The following ADGRB3 variants were observed in gnomAD, a reference collection of about 807,000 sequenced individuals.
The protein encoded by ADGRB3 is adhesion G protein-coupled receptor B3.
In ADGRB3, 37 loss-of-function variants were observed where a neutral mutation model predicts 193.4. The ratio of observed to expected loss-of-function variants is 0.19; its 90% CI spans 0.15 to 0.25. ADGRB3 has a LOEUF of 0.25. ADGRB3 is among the 10% of genes least tolerant of loss of function. The probability of loss-of-function intolerance (pLI) is 1.00; values close to 1 mark genes in which losing one functional copy is unlikely to be tolerated. For synonymous variants in ADGRB3, 690 were observed against 644.2 expected (o/e 1.07, Z -1.08); for missense variants, 1,637 against 1,852.9 (o/e 0.88, Z 2.14).
intron 10 of ADGRB3, among the ~76,000 whole-genome samples, chr6:68,990,860 C>A (rs1769218774): frequency 6.6e-6 from 1 of 152,106 alleles, no homozygotes; most frequent in Non-Finnish European, 1.5e-5. Flanking sequence ...TAATGGAGAA[C>A]AATTTAGTCT....
At chr6:68,978,484 A>G (rs1768814634) in intron 10 of ADGRB3, among the ~76,000 whole-genome samples, 1 of 151,632 alleles carries the variant, frequency 6.6e-6, no homozygotes, top group African/African-American at 2.4e-5. Context: ...GCTTGCCTAA[A>G]GAGCATGATC....
At chr6:68,943,700 TATCTC>T (rs1767700308) in intron 5 of ADGRB3, 125 bp from the exon 6 acceptor site, 2 of 668,764 alleles carry the variant, frequency 3.0e-6, no homozygotes, top group South Asian at 5.9e-5. Flanking sequence ...ATAAGAATGT[TATCTC>T]AACTGAGTTT....
chr6:69,276,495 A>G (rs1767305734), intron 20 of ADGRB3, among the ~76,000 whole-genome samples: 1 of 152,250 alleles, frequency 6.6e-6, no homozygotes, highest in Admixed American at 6.5e-5. Flanking sequence ...AATCCCTGCA[A>G]GAAAGAAATG....
intron 20 of ADGRB3, among the ~76,000 whole-genome samples, chr6:69,297,382 C>A (rs1290068253): frequency 2.5e-3 from 348 of 140,228 alleles, no homozygotes; most frequent in African/African-American, 8.9e-3. Context: ...CTCTCTCTCT[C>A]TCTCTCTCTA....
chr6:68,811,746 A>G (rs1767516321), intron 3 of ADGRB3, among the ~76,000 whole-genome samples: 1 of 152,164 alleles, frequency 6.6e-6, no homozygotes, highest in Non-Finnish European at 1.5e-5. Flanking sequence ...CTGGGATTAC[A>G]GGCATCAGCC....
At chr6:68,770,142 C>A (rs547350248) in intron 3 of ADGRB3, among the ~76,000 whole-genome samples, 34 of 152,196 alleles carry the variant, frequency 2.2e-4, no homozygotes, top group African/African-American at 8.2e-4. Context: ...TTCTGATACT[C>A]CATTCTCAGT....
intron 3 of ADGRB3, among the ~76,000 whole-genome samples, chr6:68,680,329 G>T (rs1277799482): frequency 6.6e-6 from 1 of 152,030 alleles, no homozygotes; most frequent in Non-Finnish European, 1.5e-5. Context: ...GAAGAAAGCA[G>T]AAAAGATAGA....
chr6:68,897,562 AAGAG>A (rs1303332263), intron 3 of ADGRB3, among the ~76,000 whole-genome samples: 1 of 40,282 alleles, frequency 2.5e-5, no homozygotes. Flanking sequence ...GAAGGAAAGA[AAGAG>A]AAACAAGAAA....
intron 3 of ADGRB3, among the ~76,000 whole-genome samples, chr6:68,672,822 T>A (rs1387447342): frequency 1.3e-5 from 2 of 152,086 alleles, no homozygotes; most frequent in African/African-American, 4.8e-5. Flanking sequence ...CTCCATAATA[T>A]GGGTAGGCAT....
chr6:69,176,295 T>G (rs1183389375), intron 17 of ADGRB3, among the ~76,000 whole-genome samples: 1 of 152,184 alleles, frequency 6.6e-6, no homozygotes, highest in Non-Finnish European at 1.5e-5. Flanking sequence ...GCTGTTATTA[T>G]TTTGAGGTAT....
chr6:69,362,312 A>G (rs73748509), intron 29 of ADGRB3, among the ~76,000 whole-genome samples: 12,038 of 152,006 alleles, frequency 0.079, 545 homozygotes, highest in Admixed American at 0.097. Flanking sequence ...TATGATTGCC[A>G]CTTGTTTTAG....
intron 11 of ADGRB3, among the ~76,000 whole-genome samples, chr6:69,008,256 A>C (rs1300994666): frequency 6.6e-6 from 1 of 152,120 alleles, no homozygotes; most frequent in African/African-American, 2.4e-5. Context: ...TCAACGAGGG[A>C]AGTAACCCTC....
At chr6:69,256,106 C>A (rs1022977905) in intron 20 of ADGRB3, among the ~76,000 whole-genome samples, 15 of 151,382 alleles carry the variant, frequency 9.9e-5, no homozygotes, top group African/African-American at 2.7e-4. Flanking sequence ...GTTACTGTAG[C>A]CTTGTAGTAT....
At chr6:69,136,645 T>C (rs1004069735) in intron 17 of ADGRB3, among the ~76,000 whole-genome samples, 23 of 151,712 alleles carry the variant, frequency 1.5e-4, no homozygotes, top group Non-Finnish European at 2.7e-4. Context: ...TTTTTTTTTC[T>C]TCTTCAAAAT....
At chr6:68,769,958 T>G (rs1309091584) in intron 3 of ADGRB3, among the ~76,000 whole-genome samples, 1 of 152,138 alleles carries the variant, frequency 6.6e-6, no homozygotes, top group Non-Finnish European at 1.5e-5. Context: ...TAACTGAAGC[T>G]CAATTATTTA....
chr6:68,734,288 G>A (rs1412294761), intron 3 of ADGRB3, among the ~76,000 whole-genome samples: 1 of 151,936 alleles, frequency 6.6e-6, no homozygotes, highest in Non-Finnish European at 1.5e-5. Flanking sequence ...GTGGAAAGGA[G>A]CAAGGACATC....
At chr6:69,289,650 C>T (rs1767623895) in intron 20 of ADGRB3, among the ~76,000 whole-genome samples, 2 of 152,114 alleles carry the variant, frequency 1.3e-5, no homozygotes, top group Admixed American at 1.3e-4. Context: ...AAACCTGGAC[C>T]AAGGCATTTG....
intron 3 of ADGRB3, among the ~76,000 whole-genome samples, chr6:68,650,163 C>T (rs530747575): frequency 6.6e-6 from 1 of 152,286 alleles, no homozygotes; most frequent in East Asian, 1.9e-4. Flanking sequence ...ATTTAATGTA[C>T]TAAAGGTCTT....
intron 3 of ADGRB3, among the ~76,000 whole-genome samples, chr6:68,883,985 T>C (rs1765820873): frequency 6.6e-6 from 1 of 152,130 alleles, no homozygotes; most frequent in African/African-American, 2.4e-5. Context: ...TGTTTGATGG[T>C]GTGAACAAGA....
Sources: allele counts gnomAD v4.1 joint callset (sites outside exome capture counted in the v4.1 genomes callset), GRCh38; gene constraint gnomAD v4.1.1; transcripts MANE v1.5; gene names NCBI Gene and HGNC (gene_info 2026-07-23, HGNC 2026-07-21).